The following SFMBT1 variants were observed in gnomAD, a reference collection of about 807,000 sequenced individuals.
SFMBT1 encodes the protein Scm like with four mbt domains 1.
Under a neutral mutation model 108.7 loss-of-function variants are expected in SFMBT1, and 32 were observed. The ratio of observed to expected loss-of-function variants is 0.29; its 90% CI spans 0.22 to 0.40. The LOEUF is 0.40. SFMBT1 is among the 10% of genes least tolerant of loss of function. SFMBT1 has a pLI of 1.00. For missense variants in SFMBT1, 816 were observed against 1,059.6 expected (o/e 0.77, Z 3.19); for synonymous variants, 348 against 369.5 (o/e 0.94, Z 0.67).
chr3:52,937,031 C>T (rs535820775), intron 4 of SFMBT1, among the ~76,000 whole-genome samples: 5 of 151,536 alleles, frequency 3.3e-5, no homozygotes, highest in African/African-American at 7.3e-5. Context: ...TTAGCAGAGA[C>T]GGGGTTTCAC....
intron 1 of SFMBT1, among the ~76,000 whole-genome samples, chr3:52,986,289 T>C (rs1305619967): frequency 6.6e-6 from 1 of 152,326 alleles, no homozygotes; most frequent in Non-Finnish European, 1.5e-5. Flanking sequence ...TGTATACTAC[T>C]GTAGACTTTC....
At chr3:52,905,999 T>C in intron 20 of SFMBT1, 114 bp downstream of exon 20, 1 of 1,227,496 alleles carries the variant, frequency 8.1e-7, no homozygotes. Context: ...AAGACAATTC[T>C]TGTCTTTTGG....
chr3:53,037,336 T>G (rs532662963), intron 1 of SFMBT1, among the ~76,000 whole-genome samples: 1 of 152,304 alleles, frequency 6.6e-6, no homozygotes, highest in South Asian at 2.1e-4. Context: ...GAAGCTCTTC[T>G]CTGTTGATTG....
intron 1 of SFMBT1, among the ~76,000 whole-genome samples, chr3:52,980,330 C>A (rs1704666901): frequency 6.6e-6 from 1 of 152,120 alleles, no homozygotes. Flanking sequence ...TTGCGACTAT[C>A]TCCGTAAAAT....
chr3:53,010,457 T>C (rs1026741376), intron 1 of SFMBT1, among the ~76,000 whole-genome samples: 24 of 152,360 alleles, frequency 1.6e-4, no homozygotes, highest in African/African-American at 5.8e-4. Flanking sequence ...GTGGGGCTGG[T>C]AAGCCCTTTC....
chr3:52,932,396 C>T, intron 5 of SFMBT1, 88 bp from the exon 6 acceptor site: 1 of 1,383,814 alleles, frequency 7.2e-7, no homozygotes, highest in Non-Finnish European at 9.7e-7. Flanking sequence ...TCAAACCAGC[C>T]TTTGTATTTT....
chr3:53,002,240 A>G (rs1698582619), intron 1 of SFMBT1, among the ~76,000 whole-genome samples: 1 of 148,832 alleles, frequency 6.7e-6, no homozygotes, highest in Non-Finnish European at 1.5e-5. Context: ...TCTACTAAAA[A>G]TACAAAAAAT....
rs368614414 is a variant in SFMBT1, at chr3:53,000,930, A to C, written c.-130-31672T>G. On this transcript the variant is annotated intron_variant, in intron 1 of 20. Coordinates refer to ENST00000394752, the MANE Select transcript of SFMBT1 (RefSeq NM_016329.4). ...GCAAATGCTTAAAATGAAAAAAAAT[A>C]TATGAAAAGAAGAAAGGGGTGTGGG... 2.3e-4 allele frequency among the ~76,000 whole-genome samples: 34 copies of C among 150,350 alleles called. 2 individuals carry two copies. Among genetic ancestry groups the C allele is most frequent in the Non-Finnish European group, 8.9e-5 (6 of 67,142 alleles).
At chr3:52,949,060 C>T (rs560821821) in intron 3 of SFMBT1, among the ~76,000 whole-genome samples, 137 of 151,816 alleles carry the variant, frequency 9.0e-4, no homozygotes, top group African/African-American at 3.0e-3. Flanking sequence ...TTCCCGAGAC[C>T]GCTTCTTTTA....
intron 1 of SFMBT1, among the ~76,000 whole-genome samples, chr3:53,034,071 CAAAAAAA>C (rs61046895): frequency 2.1e-4 from 6 of 28,698 alleles, no homozygotes; most frequent in African/African-American, 4.6e-4. Context: ...ACTCTGTCTC[CAAAAAAA>C]AAAAAAAAAA....
At chr3:52,984,213 G>A (rs1222345944) in intron 1 of SFMBT1, among the ~76,000 whole-genome samples, 1 of 152,118 alleles carries the variant, frequency 6.6e-6, no homozygotes, top group East Asian at 1.9e-4. Flanking sequence ...TGCAAAATAG[G>A]GCAATATGAT....
intron 1 of SFMBT1, among the ~76,000 whole-genome samples, chr3:53,002,882 T>A (rs1298276121): frequency 6.7e-6 from 1 of 150,014 alleles, no homozygotes; most frequent in Non-Finnish European, 1.5e-5. Context: ...TTGGGTGTTT[T>A]CCCCCGCTCT....
intron 1 of SFMBT1, among the ~76,000 whole-genome samples, chr3:52,970,187 T>G (rs2106861128): frequency 6.6e-6 from 1 of 152,304 alleles, no homozygotes; most frequent in Non-Finnish European, 1.5e-5. Flanking sequence ...TTAATAATTT[T>G]TAGTAAATGT....
At chr3:52,977,728 C>T (rs970718402) in intron 1 of SFMBT1, among the ~76,000 whole-genome samples, 1 of 152,088 alleles carries the variant, frequency 6.6e-6, no homozygotes, top group African/African-American at 2.4e-5. Flanking sequence ...AACAAAACTA[C>T]GTATTTCTAT....
intron 1 of SFMBT1, among the ~76,000 whole-genome samples, chr3:53,013,254 T>C (rs1253154704): frequency 1.3e-5 from 2 of 151,776 alleles, no homozygotes; most frequent in Non-Finnish European, 2.9e-5. Flanking sequence ...ATTTATGCAC[T>C]AGTTTCTACT....
In SFMBT1 at chr3:52,930,416, A is replaced by G; in HGVS notation, c.810T>C (p.Ile270=). The G allele has an allele frequency of 6.2e-7, 1 of 1,611,300 alleles. No homozygotes were observed. Among genetic ancestry groups the G allele is most frequent in the Non-Finnish European group, 8.5e-7 (1 of 1,177,372 alleles). The change falls in exon 8 of 21, where the codon ATT becomes ATC. Residue 270 remains isoleucine (I), a synonymous_variant. Transcript: ENST00000394752. ...TGTTTACAGAGAATGTATGAATGCC[A>G]ATAACTTGTTTGTCCTGAAATGCAG... ...PSYLFKDKQV[I]GIHTFSVNMK...
At chr3:52,955,326 CT>C (rs556523258) in intron 2 of SFMBT1, among the ~76,000 whole-genome samples, 100 of 151,962 alleles carry the variant, frequency 6.6e-4, no homozygotes, top group Non-Finnish European at 2.9e-4. Context: ...GTCAGGAGAA[CT>C]GCTTGAACCC....
At chr3:52,950,218 G>A (rs1044202088) in intron 3 of SFMBT1, among the ~76,000 whole-genome samples, 1 of 151,924 alleles carries the variant, frequency 6.6e-6, no homozygotes, top group Non-Finnish European at 1.5e-5. Context: ...TTTTAAACAG[G>A]CATTTTATAT....
At chr3:53,003,772 A>AAAAG (rs201404464) in intron 1 of SFMBT1, among the ~76,000 whole-genome samples, 41,693 of 142,852 alleles carry the variant, frequency 0.29, 8,407 homozygotes, top group East Asian at 0.49. Context: ...AAAAAAAAAA[A>AAAAG]AAAGAAAAGA....
Sources: allele counts gnomAD v4.1 joint callset (sites outside exome capture counted in the v4.1 genomes callset), GRCh38; gene constraint gnomAD v4.1.1; transcripts MANE v1.5; gene names NCBI Gene and HGNC (gene_info 2026-07-23, HGNC 2026-07-21).